The following ACVR1 variants were observed in gnomAD, a reference collection of about 807,000 sequenced individuals.
The protein encoded by ACVR1 is activin A receptor type 1, also known as activin receptor type-1.
A neutral mutation model predicts 57.1 loss-of-function variants in ACVR1; 38 were observed. The ratio of observed to expected loss-of-function variants is 0.67; its 90% CI spans 0.51 to 0.87. ACVR1 has a LOEUF of 0.87. ACVR1 is among the 40% of genes least tolerant of loss of function. The pLI is 0.00. For missense variants in ACVR1, 463 were observed against 638.2 expected, an observed-to-expected ratio of 0.73 and a Z score of 2.96; for synonymous variants, 212 against 228.1, an observed-to-expected ratio of 0.93 and a Z score of 0.63.
At chr2:157,844,794 G>A (rs367567928) in intron 1 of ACVR1, among the ~76,000 whole-genome samples, 12 of 152,056 alleles carry the variant, frequency 7.9e-5, no homozygotes, top group Non-Finnish European at 1.6e-4. Flanking sequence ...TATTAAGAGG[G>A]GGGGAGCCTT....
At chr2:157,814,419 T>A (rs893218354) in intron 2 of ACVR1, among the ~76,000 whole-genome samples, 6 of 152,188 alleles carry the variant, frequency 3.9e-5, no homozygotes, top group African/African-American at 9.7e-5. Context: ...TTAAAGCACA[T>A]TAAACTGCCA....
In ACVR1 at chr2:157,876,018, T is replaced by TTCCCGGCC. The variant is rs1236410041; in HGVS notation, c.-413_-406dup. 7.0e-6 allele frequency among the ~76,000 whole-genome samples: 1 copy of TTCCCGGCC among 143,038 alleles called. No individual in the cohort carries two copies. Among genetic ancestry groups the TTCCCGGCC allele is most frequent in the Non-Finnish European group, 1.5e-5 (1 of 65,384 alleles). The allele number at this position is 143,038 out of a possible 152,430, so 93.8% of individuals were successfully genotyped here. A position where few individuals can be genotyped will look rare whatever the true frequency, so the allele number is the denominator to read the frequency against. On this transcript the variant is annotated 5_prime_UTR_variant, in exon 1 of 11. Transcript: ENST00000434821. ...CGGAGCGGTGCGTGGGGCCGGGAGCTTCCCGGCCCTGGGGCCGGCGCGGCT... is the reference window on the plus strand; with the variant it reads ...CGGAGCGGTGCGTGGGGCCGGGAGCTTCCCGGCCTCCCGGCCCTGGGGCCGGCGCGGCT...
rs571386660 is a variant in ACVR1, at chr2:157,832,129, C to T, written c.-182-13570G>A. 2.6e-5 allele frequency among the ~76,000 whole-genome samples: 4 copies of T among 152,144 alleles called. No homozygotes were observed. In the East Asian group the frequency reaches 7.7e-4, roughly 29 times the overall value. On this transcript the variant is annotated intron_variant, in intron 1 of 10. Coordinates refer to ENST00000434821, the MANE Select transcript of ACVR1 (RefSeq NM_001111067.4). ...GGAATCGCACAGCTTGAGGAATGAACCTAGGCATGTTACTTCCCAGGCATT... is the reference window on the plus strand; with the variant it reads ...GGAATCGCACAGCTTGAGGAATGAATCTAGGCATGTTACTTCCCAGGCATT...
chr2:157,872,071 T>C (rs1034363888), intron 1 of ACVR1, among the ~76,000 whole-genome samples: 8 of 152,232 alleles, frequency 5.3e-5, no homozygotes, highest in Admixed American at 4.6e-4. Context: ...ATTTGGTTCT[T>C]CTGAGAGCTG....
chr2:157,858,476 T>A (rs888418185), intron 1 of ACVR1, among the ~76,000 whole-genome samples: 3 of 152,174 alleles, frequency 2.0e-5, no homozygotes, highest in Non-Finnish European at 4.4e-5. Flanking sequence ...TTCTTCTTTT[T>A]ATTTTTATTT....
chr2:157,799,046 G>A (rs1288810668), intron 3 of ACVR1, among the ~76,000 whole-genome samples: 1 of 151,628 alleles, frequency 6.6e-6, no homozygotes, highest in African/African-American at 2.4e-5. Flanking sequence ...ACAGGTGCCC[G>A]CCACCATGCC....
intron 9 of ACVR1, among the ~76,000 whole-genome samples, chr2:157,751,610 G>A (rs1158915062): frequency 6.6e-6 from 1 of 152,200 alleles, no homozygotes; most frequent in African/African-American, 2.4e-5. Context: ...CTGTTGAGGG[G>A]GTGGGGAGCA....
intron 1 of ACVR1, among the ~76,000 whole-genome samples, chr2:157,840,766 A>G (rs1344667163): frequency 6.6e-6 from 1 of 152,276 alleles, no homozygotes; most frequent in East Asian, 1.9e-4. Context: ...GGCTGGGTTC[A>G]GGTCAGCCAA....
At chr2:157,749,393 A>C (rs1356120766) in intron 9 of ACVR1, among the ~76,000 whole-genome samples, 3 of 152,236 alleles carry the variant, frequency 2.0e-5, no homozygotes, top group Admixed American at 6.5e-5. Context: ...AACATAGGCC[A>C]TCTATCCAGG....
At position 157,778,310 on chromosome 2, in the gene ACVR1, A is replaced by T; in HGVS notation, c.364T>A (p.Leu122Met). The change falls in exon 5 of 11, where the codon TTG becomes ATG. Residue 122 changes from leucine (L) to methionine (M), a missense_variant. Around this residue, in one of 3 missense-constraint regions of ACVR1, gnomAD observed 203 missense variants for 235.5 expected, o/e 0.86. Transcript: ENST00000434821. ...GAGAGAATAATGAGGCCAACCTCCA[A>T]GTGGAAATTCTGTGTTCCAGGGAAG... ...KSFPGTQNFH[L>M]EVGLIILSVV... 1 of 1,614,106 alleles carries T rather than the reference A, an allele frequency of 6.2e-7. No homozygotes were observed. The highest frequency in any genetic ancestry group is 8.5e-7 in the Non-Finnish European group (1 of 1,179,994).
intron 3 of ACVR1, among the ~76,000 whole-genome samples, chr2:157,791,112 T>C (rs1447447308): frequency 6.6e-6 from 1 of 152,316 alleles, no homozygotes; most frequent in East Asian, 1.9e-4. Context: ...CCCAGCTCCA[T>C]GTGGAATGCA....
intron 1 of ACVR1, among the ~76,000 whole-genome samples, chr2:157,864,158 T>C (rs1689834900): frequency 6.6e-6 from 1 of 150,792 alleles, no homozygotes; most frequent in African/African-American, 2.4e-5. Flanking sequence ...CACCGTGCCC[T>C]GCCTTGCAGG....
chr2:157,847,115 G>T (rs1033681999), intron 1 of ACVR1, among the ~76,000 whole-genome samples: 4 of 152,160 alleles, frequency 2.6e-5, no homozygotes, highest in African/African-American at 9.7e-5. Flanking sequence ...TGTTGCACAG[G>T]AGAGTATCTT....
chr2:157,747,039 A>G (rs1253224154), intron 9 of ACVR1, among the ~76,000 whole-genome samples: 1 of 152,206 alleles, frequency 6.6e-6, no homozygotes, highest in Non-Finnish European at 1.5e-5. Flanking sequence ...TATTACTCCA[A>G]GAGATCTATC....
In ACVR1 at chr2:157,852,488, G is replaced by C. The variant is rs549093232; in HGVS notation, c.-183+23308C>G. On this transcript the variant is annotated intron_variant, in intron 1 of 10. Coordinates refer to ENST00000434821, the MANE Select transcript of ACVR1 (RefSeq NM_001111067.4). ...CTATACAGCCTGGATGACAGAGCGAGAGCCTGTCTCAAAAAAAAAAAAAAG... is the reference window on the plus strand; with the variant it reads ...CTATACAGCCTGGATGACAGAGCGACAGCCTGTCTCAAAAAAAAAAAAAAG... Among the ~76,000 whole-genome samples, 168 of 137,478 alleles carry C rather than the reference G, an allele frequency of 1.2e-3. 1 individual carries two copies. Among genetic ancestry groups the C allele is most frequent in the African/African-American group, 4.0e-3 (144 of 35,648 alleles). 90.2% of individuals were successfully genotyped at this position (137,478 alleles called of 152,430 possible). A position where few individuals can be genotyped will look rare whatever the true frequency, so the allele number is the denominator to read the frequency against.
intron 9 of ACVR1, among the ~76,000 whole-genome samples, chr2:157,748,742 G>A (rs959268762): frequency 2.0e-5 from 3 of 151,848 alleles, no homozygotes; most frequent in Non-Finnish European, 2.9e-5. Flanking sequence ...GATCCACTCT[G>A]CTATTAGGAA....
intron 2 of ACVR1, among the ~76,000 whole-genome samples, chr2:157,815,400 C>T (rs1167503649): frequency 1.2e-4 from 18 of 152,106 alleles, no homozygotes; most frequent in Admixed American, 1.1e-3. Flanking sequence ...ACATTAATTA[C>T]ATTACCTTTC....
chr2:157,772,828 C>T (rs1265431981), intron 6 of ACVR1, among the ~76,000 whole-genome samples: 1 of 152,148 alleles, frequency 6.6e-6, no homozygotes, highest in Admixed American at 6.5e-5. Context: ...GGAGGAGAAG[C>T]GAGAAGCAGC....
chr2:157,810,790 G>A (rs1024156385), intron 2 of ACVR1, among the ~76,000 whole-genome samples: 1 of 152,024 alleles, frequency 6.6e-6, no homozygotes, highest in Non-Finnish European at 1.5e-5. Context: ...TCCTTTCACC[G>A]AACACTTTCT....
Sources: gnomAD v4.1 joint callset for allele counts (sites outside exome capture counted in the v4.1 genomes callset) on GRCh38, gnomAD v4.1.1 for gene constraint, gnomAD v4.1.1 regional missense constraint, MANE v1.5 for transcripts, NCBI Gene and HGNC (gene_info 2026-07-23, HGNC 2026-07-21) for gene names.